TMCC3: variants seen among roughly 807,000 people sequenced by gnomAD.
The protein encoded by TMCC3 is transmembrane and coiled-coil domain family 3, also known as transmembrane and coiled-coil domain protein 3.
A neutral mutation model predicts 40.2 loss-of-function variants in TMCC3; 28 were observed. The ratio of observed to expected loss-of-function variants is 0.70; its 90% CI spans 0.52 to 0.95. The LOEUF (loss-of-function observed/expected upper bound fraction) is 0.95. Among genes scored for constraint, TMCC3 ranks in the 40% least tolerant of loss-of-function variants. The pLI is 0.00. For missense variants in TMCC3, 554 were observed against 615.2 expected, an observed-to-expected ratio of 0.90 and a Z score of 1.05; for synonymous variants, 255 against 248.5, an observed-to-expected ratio of 1.03 and a Z score of -0.25.
intron 1 of TMCC3, chr12:94,590,919 G>A (rs1280296955): frequency 5.1e-6 from 3 of 586,662 alleles, no homozygotes; most frequent in Admixed American, 3.8e-5. Flanking sequence ...ATGTGAAAAT[G>A]AGAAATGACC....
At chr12:94,646,805 G>A (rs1431614529) in intron 1 of TMCC3, among the ~76,000 whole-genome samples, 1 of 150,850 alleles carries the variant, frequency 6.6e-6, no homozygotes, top group African/African-American at 2.4e-5. Flanking sequence ...CAGAAGAGTG[G>A]AGTATTACCT....
intron 1 of TMCC3, among the ~76,000 whole-genome samples, chr12:94,649,419 C>T (rs2069039802): frequency 6.6e-6 from 1 of 152,204 alleles, no homozygotes. Flanking sequence ...CACCCAAATC[C>T]CCAGTTCTCG....
At chr12:94,642,714 G>A (rs114740138) in intron 1 of TMCC3, among the ~76,000 whole-genome samples, 327 of 152,350 alleles carry the variant, frequency 2.1e-3, no homozygotes, top group African/African-American at 7.7e-3. Flanking sequence ...CTACACCACT[G>A]TTACATACTG....
chr12:94,578,527 T>C lies in TMCC3; in HGVS notation c.998A>G (p.Tyr333Cys). The change falls in exon 3 of 4, where the codon TAT becomes TGT. Residue 333 changes from tyrosine (Y) to cysteine (C), a missense_variant and splice_region_variant. By Grantham distance (194) the Tyr-to-Cys change is radical. Coordinates refer to ENST00000261226, the MANE Select transcript of TMCC3 (RefSeq NM_020698.4). ...ATGCAGCTGGTCCTCCAGTCGCTCA[T>C]ACCTTTAAAAGAGAGGAGCCGATTC... ...SQTLQEERYR[Y>C]ERLEDQLHDL... 1.9e-6 allele frequency: 3 copies of C among 1,613,452 alleles called. No homozygotes were observed. The highest frequency in any genetic ancestry group is 1.3e-5 in the African/African-American group (1 of 75,036).
At chr12:94,633,415 G>A (rs991442765) in intron 1 of TMCC3, among the ~76,000 whole-genome samples, 1 of 152,094 alleles carries the variant, frequency 6.6e-6, no homozygotes. Flanking sequence ...TTAAATCTAG[G>A]AGGCAGATAT....
At chr12:94,605,131 C>A (rs58514908) in intron 1 of TMCC3, among the ~76,000 whole-genome samples, 11,948 of 152,060 alleles carry the variant, frequency 0.079, 511 homozygotes, top group South Asian at 0.14. Flanking sequence ...AGAAGAACAC[C>A]GACAACCTGC....
At chr12:94,629,253 T>C (rs912815117) in intron 1 of TMCC3, among the ~76,000 whole-genome samples, 1 of 152,116 alleles carries the variant, frequency 6.6e-6, no homozygotes, top group Non-Finnish European at 1.5e-5. Flanking sequence ...GAGACATCCC[T>C]GCAGGAGGGT....
At chr12:94,580,869 C>A (rs2068596367) in intron 2 of TMCC3, among the ~76,000 whole-genome samples, 1 of 152,154 alleles carries the variant, frequency 6.6e-6, no homozygotes, top group Admixed American at 6.5e-5. Flanking sequence ...AAATATAGAT[C>A]TCTGAATTAG....
chr12:94,580,734 T>TCAAA (rs113927274), intron 2 of TMCC3, among the ~76,000 whole-genome samples: 4,252 of 151,908 alleles, frequency 0.028, 115 homozygotes, highest in African/African-American at 0.072. Flanking sequence ...AAACTCCATC[T>TCAAA]CAAACAAACA....
intron 1 of TMCC3, among the ~76,000 whole-genome samples, chr12:94,599,249 T>C (rs1209330133): frequency 1.3e-5 from 2 of 152,174 alleles, no homozygotes; most frequent in Non-Finnish European, 2.9e-5. Context: ...GTAAGTGCTA[T>C]AAGTGTTGGC....
chr12:94,604,803 C>CAAAAAA (rs11400128), intron 1 of TMCC3, among the ~76,000 whole-genome samples: 21 of 53,232 alleles, frequency 3.9e-4, no homozygotes, highest in African/African-American at 7.3e-4. Context: ...GACTTCATCT[C>CAAAAAA]AAAAAAAAAA....
At chr12:94,615,426 G>A (rs898469748) in intron 1 of TMCC3, among the ~76,000 whole-genome samples, 3 of 152,162 alleles carry the variant, frequency 2.0e-5, no homozygotes, top group African/African-American at 4.8e-5. Context: ...AACGTGGGCT[G>A]GGCAGCATCA....
chr12:94,594,214 TATAC>T (rs1566321058), intron 1 of TMCC3, among the ~76,000 whole-genome samples: 3 of 96,656 alleles, frequency 3.1e-5, no homozygotes, highest in Admixed American at 1.2e-4. Flanking sequence ...TATATATATA[TATAC>T]ACACACACAC....
chr12:94,607,089 T>C (rs1301019617), intron 1 of TMCC3, among the ~76,000 whole-genome samples: 1 of 152,212 alleles, frequency 6.6e-6, no homozygotes, highest in Admixed American at 6.5e-5. Flanking sequence ...TTCCGCACGG[T>C]ATTCCTTGCT....
chr12:94,578,504 G>C lies in TMCC3; in HGVS notation c.1021C>G (p.His341Asp). 1 of 1,614,108 alleles carries C rather than the reference G, an allele frequency of 6.2e-7. No homozygotes were observed. Among genetic ancestry groups the C allele is most frequent in the Non-Finnish European group, 8.5e-7 (1 of 1,179,980 alleles). The stretch of plus-strand genomic sequence containing the variant: ...TGCTGATGCAGGTCCGTCAGGTCAT[G>C]CAGCTGGTCCTCCAGTCGCTCATAC... ...YRYERLEDQL[H>D]DLTDLHQHET... is the part of the protein sequence containing the mutation. The change falls in exon 3 of 4, where the codon CAT (histidine) becomes GAT (aspartate). Residue 341 changes from histidine to aspartate, a missense_variant. Transcript: ENST00000261226.
chr12:94,587,153 C>T (rs1217075724), intron 1 of TMCC3, among the ~76,000 whole-genome samples: 1 of 152,214 alleles, frequency 6.6e-6, no homozygotes, highest in African/African-American at 2.4e-5. Flanking sequence ...ATACACTATA[C>T]ATTGCAGCTT....
At position 94,581,798 on chromosome 12, in the gene TMCC3, A is replaced by G; in HGVS notation, c.819T>C (p.Phe273=). ...CCAGTGTGCTGGCTCCACCAGCCCC[A>G]AACGACTGGTTTCCGTTACTGTCGG... The part of the protein sequence containing the change: ...GSADSNGNQS[F]GAGGASTLDS... The change falls in exon 2 of 4, where the codon TTT becomes TTC. Residue 273 remains phenylalanine, a synonymous_variant. Transcript: ENST00000261226. The G allele has an allele frequency of 6.2e-7, 1 of 1,614,134 alleles. No homozygotes were observed. The highest frequency in any genetic ancestry group is 8.5e-7 in the Non-Finnish European group (1 of 1,179,986).
chr12:94,582,283 T>C lies in TMCC3; in HGVS notation c.334A>G (p.Lys112Glu). Residue 112 changes from lysine to glutamate, a missense_variant, in exon 2 of 4, where the codon AAG becomes GAG. Physicochemically the swap from Lys to Glu is moderately conservative, Grantham distance 56. Coordinates refer to ENST00000261226, the MANE Select transcript of TMCC3 (RefSeq NM_020698.4). ...TGATTCTTCTTCTCAAAGACTTGCT[T>C]GATACGTCCCGCCTGCTGCTTGTCT... ...NADKQQAGRI[K>E]QVFEKKNQKS... 1 of 1,614,150 alleles carries C rather than the reference T, an allele frequency of 6.2e-7. No individual in the cohort carries two copies.
In TMCC3 at chr12:94,621,418, C is replaced by T. The variant is rs561554796; in HGVS notation, c.78+28935G>A. On this transcript the variant is annotated intron_variant, in intron 1 of 3. Transcript: ENST00000261226. ...GAACCTGGACTGTGCATCTGACAGC[C>T]GCCTTTCTACCTCCCACCTCCACCC... 1.0e-3 allele frequency among the ~76,000 whole-genome samples: 159 copies of T among 152,264 alleles called. No homozygotes were observed. In the Middle Eastern group the frequency reaches 0.014, roughly 13 times the overall value.
Sources: gnomAD v4.1 joint callset for allele counts (sites outside exome capture counted in the v4.1 genomes callset) on GRCh38, gnomAD v4.1.1 for gene constraint, MANE v1.5 for transcripts, NCBI Gene and HGNC (gene_info 2026-07-23, HGNC 2026-07-21) for gene names.